Variants in PLCXD3 observed in about 807,000 individuals in gnomAD.
PLCXD3 encodes the protein phosphatidylinositol specific phospholipase C X domain containing 3.
A neutral mutation model predicts 25.5 loss-of-function variants in PLCXD3; 19 were observed. That is an observed-to-expected ratio of 0.75 (90% CI 0.52 to 1.09). The LOEUF (loss-of-function observed/expected upper bound fraction) is 1.09. PLCXD3 is among the 50% of genes least tolerant of loss of function. The pLI, the probability that PLCXD3 is intolerant of heterozygous loss-of-function variation, is 0.00. For synonymous variants in PLCXD3, 174 were observed against 137.6 expected, an observed-to-expected ratio of 1.26 and a Z score of -1.85; for missense variants, 411 against 388.1, an observed-to-expected ratio of 1.06 and a Z score of -0.50.
chr5:41,459,393 TAA>T (rs1317595205), intron 1 of PLCXD3, among the ~76,000 whole-genome samples: 1 of 151,844 alleles, frequency 6.6e-6, no homozygotes, highest in African/African-American at 2.4e-5. Context: ...TTCATTGCTA[TAA>T]ATGGAGGTGA....
intron 2 of PLCXD3, among the ~76,000 whole-genome samples, chr5:41,376,192 C>T (rs1397743432): frequency 6.6e-6 from 1 of 152,092 alleles, no homozygotes; most frequent in Non-Finnish European, 1.5e-5. Context: ...CATCCAACTC[C>T]AAGGGATGTC....
rs568939421 is a variant in PLCXD3 at position 41,393,733 on chromosome 5, C to T, written c.104-11199G>A. On this transcript the variant is annotated intron_variant, in intron 1 of 2. Transcript: ENST00000377801. ...AGGAGATCGAGACCATCCTGGCTAA[C>T]ATGGTGAAACCCCGTCTCTACTAAA... 6.6e-5 allele frequency among the ~76,000 whole-genome samples: 10 copies of T among 151,986 alleles called. No individual in the cohort carries two copies. The South Asian group carries it at 1.5e-3, about 22-fold the overall frequency.
intron 1 of PLCXD3, among the ~76,000 whole-genome samples, chr5:41,423,877 T>A (rs552755816): frequency 6.6e-6 from 1 of 152,344 alleles, no homozygotes; most frequent in African/African-American, 2.4e-5. Flanking sequence ...ACTTGATGTT[T>A]TGATACATTG....
At chr5:41,477,459 T>C (rs1748305754) in intron 1 of PLCXD3, among the ~76,000 whole-genome samples, 1 of 152,174 alleles carries the variant, frequency 6.6e-6, no homozygotes, top group Non-Finnish European at 1.5e-5. Flanking sequence ...ACCTTCTCTG[T>C]GTGCCAGCAT....
At chr5:41,413,865 T>C (rs1329700147) in intron 1 of PLCXD3, among the ~76,000 whole-genome samples, 1 of 152,150 alleles carries the variant, frequency 6.6e-6, no homozygotes, top group East Asian at 1.9e-4. Flanking sequence ...TTTTCAAATA[T>C]TTATTTTTTA....
chr5:41,479,897 A>G (rs1047434276), intron 1 of PLCXD3, among the ~76,000 whole-genome samples: 1 of 152,250 alleles, frequency 6.6e-6, no homozygotes, highest in African/African-American at 2.4e-5. Context: ...CAACTAATAC[A>G]TCACCTAGAA....
rs1453738845 is a variant in PLCXD3 at position 41,331,431 on chromosome 5, G to T, written c.813-17661C>A. Among the ~76,000 whole-genome samples, 12 of 152,154 alleles carry T rather than the reference G, an allele frequency of 7.9e-5. 1 individual carries two copies. In the South Asian group the frequency reaches 1.2e-3, roughly 16 times the overall value. On this transcript the variant is annotated intron_variant, in intron 2 of 2. Coordinates refer to ENST00000377801, the MANE Select transcript of PLCXD3 (RefSeq NM_001005473.3). The stretch of plus-strand genomic sequence containing the variant: ...AGGAGAACTACAAACCACTGCTCAA[G>T]GAAATAAAAGAGGATACAAAGAAAT...
At chr5:41,373,275 A>G (rs1745182239) in intron 2 of PLCXD3, among the ~76,000 whole-genome samples, 1 of 152,184 alleles carries the variant, frequency 6.6e-6, no homozygotes, top group African/African-American at 2.4e-5. Flanking sequence ...TGGTCAGTTT[A>G]CAGAGGCTAC....
At chr5:41,463,565 C>G (rs1747942447) in intron 1 of PLCXD3, among the ~76,000 whole-genome samples, 1 of 151,930 alleles carries the variant, frequency 6.6e-6, no homozygotes, top group Admixed American at 6.6e-5. Flanking sequence ...AACTGTTTCT[C>G]ATGTAAGAGA....
In PLCXD3 at chr5:41,345,882, TTTA is replaced by T. The variant is rs1199133552; in HGVS notation, c.813-32115_813-32113del. On this transcript the variant is annotated intron_variant, in intron 2 of 2. Coordinates refer to ENST00000377801, the MANE Select transcript of PLCXD3 (RefSeq NM_001005473.3). ...TTTTTTTCTTTTTTCTTTTCTTTTT[TTTA>T]TTTTTTCTTTTTGAGACGGAGTCTC... Among the ~76,000 whole-genome samples the T allele has an allele frequency of 3.1e-3, 427 of 136,070 alleles. 6 individuals are homozygous for T. The highest frequency in any genetic ancestry group is 0.01 in the African/African-American group (319 of 31,580). 89.3% of individuals were successfully genotyped at this position (136,070 alleles called of 152,430 possible).
chr5:41,438,100 GGT>G (rs1747298114), intron 1 of PLCXD3, among the ~76,000 whole-genome samples: 1 of 152,112 alleles, frequency 6.6e-6, no homozygotes, highest in Non-Finnish European at 1.5e-5. Flanking sequence ...TGTTTGGAAA[GGT>G]GACCACTAGC....
At chr5:41,331,639 A>T (rs1047273303) in intron 2 of PLCXD3, among the ~76,000 whole-genome samples, 5 of 152,204 alleles carry the variant, frequency 3.3e-5, no homozygotes, top group Admixed American at 3.3e-4. Context: ...CCCCAAGTCA[A>T]TCCTAAGCCA....
chr5:41,417,193 A>T (rs1387855256), intron 1 of PLCXD3, among the ~76,000 whole-genome samples: 2 of 152,160 alleles, frequency 1.3e-5, no homozygotes, highest in African/African-American at 4.8e-5. Context: ...ACTATTACCC[A>T]TTGAGGGCTG....
At chr5:41,485,579 G>T (rs1748499989) in intron 1 of PLCXD3, among the ~76,000 whole-genome samples, 1 of 152,062 alleles carries the variant, frequency 6.6e-6, no homozygotes, top group Non-Finnish European at 1.5e-5. Flanking sequence ...TTCAGTCCCA[G>T]CCCCCTCTCT....
chr5:41,366,368 C>T (rs1330688972), intron 2 of PLCXD3, among the ~76,000 whole-genome samples: 1 of 152,184 alleles, frequency 6.6e-6, no homozygotes, highest in Non-Finnish European at 1.5e-5. Flanking sequence ...AATGTAAATG[C>T]ATGTCTCCTA....
At chr5:41,457,965 A>T (rs1409593270) in intron 1 of PLCXD3, among the ~76,000 whole-genome samples, 1 of 151,914 alleles carries the variant, frequency 6.6e-6, no homozygotes, top group Non-Finnish European at 1.5e-5. Flanking sequence ...GGAAAACTGT[A>T]GACATGGGGA....
chr5:41,341,469 T>G (rs1402196212), intron 2 of PLCXD3, among the ~76,000 whole-genome samples: 1 of 152,184 alleles, frequency 6.6e-6, no homozygotes, highest in African/African-American at 2.4e-5. Flanking sequence ...AATTTCAAAG[T>G]GCCATGCAAA....
At chr5:41,346,542 T>C (rs970287821) in intron 2 of PLCXD3, among the ~76,000 whole-genome samples, 29 of 152,146 alleles carry the variant, frequency 1.9e-4, no homozygotes, top group Non-Finnish European at 2.2e-4. Flanking sequence ...TTACTGTCTC[T>C]ATAATTTTGA....
chr5:41,472,197 A>G (rs533353459), intron 1 of PLCXD3, among the ~76,000 whole-genome samples: 1 of 151,924 alleles, frequency 6.6e-6, no homozygotes. Flanking sequence ...GCCTATGACA[A>G]GATTCTTTGT....
Sources: allele counts gnomAD v4.1 joint callset (sites outside exome capture counted in the v4.1 genomes callset), GRCh38; gene constraint gnomAD v4.1.1; transcripts MANE v1.5; gene names NCBI Gene and HGNC (gene_info 2026-07-23, HGNC 2026-07-21).